LHX9: variants seen among roughly 807,000 people sequenced by gnomAD.
The protein encoded by LHX9 is LIM/homeobox protein Lhx9.
In LHX9, 9 loss-of-function variants were observed where a neutral mutation model predicts 36.5. The observed-to-expected ratio is 0.25, with a 90% CI of 0.15 to 0.43. LHX9 has a LOEUF of 0.43. Among genes scored for constraint, LHX9 ranks in the 20% least tolerant of loss-of-function variants. The pLI is 1.00. For missense variants in LHX9, 464 were observed against 526.4 expected (o/e 0.88, Z 1.16); for synonymous variants, 211 against 212.1 (o/e 0.99, Z 0.04).
chr1:197,928,366 T>C (rs10801633), intron 4 of LHX9, among the ~76,000 whole-genome samples: 55,135 of 152,198 alleles, frequency 0.36, 12,729 homozygotes, highest in Non-Finnish European at 0.52. Flanking sequence ...AAACTCATCA[T>C]GGCAAGAACA....
At position 197,933,326 on chromosome 1, in the gene LHX9, A is replaced by G. The variant is rs956258680; in HGVS notation, c.*4067A>G. ...TCTTAAATGCTTTCACTTCCTGAAT[A>G]ATAAAAAGAAAAAATTTTAAAGAAG... On this transcript the variant is annotated 3_prime_UTR_variant, in exon 5 of 5. Transcript: ENST00000367387. 3.0e-4 allele frequency: 46 copies of G among 152,178 alleles called. No homozygotes were observed. The highest frequency in any genetic ancestry group is 1.1e-3 in the African/African-American group (45 of 41,458). The allele number at this position is 152,178 out of a possible 1,614,324, so 9.4% of individuals were successfully genotyped here.
chr1:197,929,610 T>G lies in LHX9; in HGVS notation c.*351T>G. ...GAAGAAAAAAGAAAAAAGAGTGGTATTATTATGGGCAAATAATCATATTCC... is the reference window on the plus strand; with the variant it reads ...GAAGAAAAAAGAAAAAAGAGTGGTAGTATTATGGGCAAATAATCATATTCC... On this transcript the variant is annotated 3_prime_UTR_variant, in exon 5 of 5. Transcript: ENST00000367387. The G allele has an allele frequency of 1.1e-6, 1 of 921,818 alleles. No homozygotes were observed. Among genetic ancestry groups the G allele is most frequent in the Non-Finnish European group, 1.3e-6 (1 of 771,856 alleles). 57.1% of individuals were successfully genotyped at this position (921,818 alleles called of 1,614,324 possible).
rs550443146 is a variant in LHX9, at chr1:197,930,785, T to C, written c.*1526T>C. 2 of 152,052 alleles carry C rather than the reference T, an allele frequency of 1.3e-5. No homozygotes were observed. The highest frequency in any genetic ancestry group is 1.9e-4 in the East Asian group (1 of 5,182). The allele number at this position is 152,052 out of a possible 1,614,324, so 9.4% of individuals were successfully genotyped here. A position where few individuals can be genotyped will look rare whatever the true frequency, so the allele number is the denominator to read the frequency against. On this transcript the variant is annotated 3_prime_UTR_variant, in exon 5 of 5. Coordinates refer to ENST00000367387, the MANE Select transcript of LHX9 (RefSeq NM_020204.3). ...AAGTAGCTTATTTTTTAAAAAAAGATGATGGAAGATAAGTTAACACTGTAA... is the reference window on the plus strand; with the variant it reads ...AAGTAGCTTATTTTTTAAAAAAAGACGATGGAAGATAAGTTAACACTGTAA...
upstream of LHX9, among the ~76,000 whole-genome samples, chr1:197,913,599 C>A (rs1361576388): frequency 1.3e-5 from 2 of 152,188 alleles, no homozygotes; most frequent in Non-Finnish European, 2.9e-5. Flanking sequence ...CCATCCAGCG[C>A]AGCCCGGGCA....
At position 197,927,616 on chromosome 1, in the gene LHX9, C is replaced by G. The variant is rs1379337835; in HGVS notation, c.759C>G (p.His253Gln). The G allele has an allele frequency of 6.2e-7, 1 of 1,614,060 alleles. No individual in the cohort carries two copies. The highest frequency in any genetic ancestry group is 1.3e-5 in the African/African-American group (1 of 74,908). ...GTTGTAATGAGAATGAGGCAGACCA[C>G]TTGGACCGGGACCAGCAGCCTTATC... ...NSGCNENEAD[H>Q]LDRDQQPYPP... is the part of the protein sequence containing the mutation. Residue 253 changes from histidine (H) to glutamine (Q), a missense_variant, in exon 4 of 5, where the codon CAC becomes CAG. This residue lies in a region of LHX9 where 130 missense variants were observed against 109.6 expected (regional missense o/e 1.19). Transcript: ENST00000367387.
upstream of LHX9, among the ~76,000 whole-genome samples, chr1:197,917,053 C>G (rs1365583253): frequency 6.6e-6 from 1 of 151,998 alleles, no homozygotes; most frequent in Non-Finnish European, 1.5e-5. Context: ...AGCTCCTTTT[C>G]CCCTTTAAAA....
Position 197,921,036 on chromosome 1 carries a change from AT to A in LHX9, c.378-260del, listed in dbSNP as rs1001041689. On this transcript the variant is annotated intron_variant, in intron 2 of 4. Transcript: ENST00000367387. This position sits in a 1 kb window ranked among gnomAD's most constrained non-coding sequence, Gnocchi z 4.6. ...GCTAACTAGTGGTTTGCTTTTTTAA[AT>A]TTTTTTTAATGTTTTAAATTTTCAC... 4.6e-3 allele frequency among the ~76,000 whole-genome samples: 698 copies of A among 152,146 alleles called. 7 individuals carry two copies. Among genetic ancestry groups the A allele is most frequent in the African/African-American group, 0.016 (672 of 41,484 alleles).
chr1:197,918,605 A>T, intron 1 of LHX9: 1 of 564,704 alleles, frequency 1.8e-6, no homozygotes, highest in Non-Finnish European at 3.2e-6. Context: ...GGCGGGTGTC[A>T]TGTGTAGGGG....
At chr1:197,913,429 G>T (rs1161634350), upstream of LHX9, among the ~76,000 whole-genome samples, 1 of 152,170 alleles carries the variant, frequency 6.6e-6, no homozygotes, top group African/African-American at 2.4e-5. Context: ...TTTGTCTTGA[G>T]GGAGGATCCC....
Position 197,917,618 on chromosome 1 carries a change from G to T in LHX9, c.-206G>T, listed in dbSNP as rs1659809032. On this transcript the variant is annotated 5_prime_UTR_variant, in exon 1 of 5. Coordinates refer to ENST00000367387, the MANE Select transcript of LHX9 (RefSeq NM_020204.3). ...TTCTGCACATCTCCTTCAGGGAGCC[G>T]CTGAGGCTTCCCCCCAACTCTTCCC... The T allele has an allele frequency of 3.3e-6, 5 of 1,508,858 alleles. No homozygotes were observed. Among genetic ancestry groups the T allele is most frequent in the East Asian group, 2.5e-5 (1 of 39,554 alleles). The allele number at this position is 1,508,858 out of a possible 1,614,324, so 93.5% of individuals were successfully genotyped here.
intron 1 of LHX9, among the ~76,000 whole-genome samples, chr1:197,919,229 G>A (rs143951134): frequency 6.6e-6 from 1 of 152,340 alleles, no homozygotes; most frequent in African/African-American, 2.4e-5. Context: ...CGGGTCAGTG[G>A]GACCCAGAGG....
intron 3 of LHX9, among the ~76,000 whole-genome samples, chr1:197,924,060 G>A (rs932161016): frequency 1.3e-5 from 2 of 152,190 alleles, no homozygotes; most frequent in African/African-American, 2.4e-5. Context: ...TTGGTTTGAA[G>A]ATGCCTGACC....
Position 197,929,029 on chromosome 1 carries a change from T to A in LHX9, c.964T>A (p.Phe322Ile). 6.2e-7 allele frequency: 1 copy of A among 1,611,288 alleles called. No homozygotes were observed. Among genetic ancestry groups the A allele is most frequent in the Non-Finnish European group, 8.5e-7 (1 of 1,178,992 alleles). Residue 322 changes from phenylalanine (F) to isoleucine (I), a missense_variant, in exon 5 of 5, where the codon TTC (phenylalanine) becomes ATC (isoleucine). By Grantham distance (21) the Phe-to-Ile change is conservative. Coordinates refer to ENST00000367387, the MANE Select transcript of LHX9 (RefSeq NM_020204.3). ...TTGGTTCCAAAACGCACGAGCCAAA[T>A]TCAGAAGGAACCTTTTGCGGCAGGA... ...QVWFQNARAK[F>I]RRNLLRQENG...
chr1:197,932,360 T>C lies in LHX9; in HGVS notation c.*3101T>C, dbSNP rs1209130232. The C allele has an allele frequency of 6.2e-6, 1 of 161,944 alleles. No homozygotes were observed. The highest frequency in any genetic ancestry group is 2.4e-5 in the African/African-American group (1 of 41,864). 10.0% of individuals were successfully genotyped at this position (161,944 alleles called of 1,614,324 possible). A position where few individuals can be genotyped will look rare whatever the true frequency, so the allele number is the denominator to read the frequency against. ...TGCTAATGTGTATTAGTCCTGTTAA[T>C]GGCATTTTCCAACTGTAAATTCAAA... On this transcript the variant is annotated 3_prime_UTR_variant, in exon 5 of 5. Coordinates refer to ENST00000367387, the MANE Select transcript of LHX9 (RefSeq NM_020204.3).
chr1:197,931,831 G>C lies in LHX9; in HGVS notation c.*2572G>C, dbSNP rs1660334608. 1 of 871,066 alleles carries C rather than the reference G, an allele frequency of 1.1e-6. No individual in the cohort carries two copies. The highest frequency in any genetic ancestry group is 1.7e-5 in the African/African-American group (1 of 59,490). 54.0% of individuals were successfully genotyped at this position (871,066 alleles called of 1,614,324 possible). ...CATGTTAGGTCTATTGAGCACAAAT[G>C]GATATTTGTAAATCTAAATAGAAAT... On this transcript the variant is annotated 3_prime_UTR_variant, in exon 5 of 5. Transcript: ENST00000367387.
rs1368437965 is a variant in LHX9, at chr1:197,930,744, A to C, written c.*1485A>C. 1 of 152,010 alleles carries C rather than the reference A, an allele frequency of 6.6e-6. No individual in the cohort carries two copies. The allele number at this position is 152,010 out of a possible 1,614,324, so 9.4% of individuals were successfully genotyped here. On this transcript the variant is annotated 3_prime_UTR_variant, in exon 5 of 5. Transcript: ENST00000367387. Reference sequence around the variant, plus strand: ...ATTGTAACTTTTGCTCAGGGTCTTTAGAAAATTAGCACAGAAAGTAGCTTA... The same window carrying C: ...ATTGTAACTTTTGCTCAGGGTCTTTCGAAAATTAGCACAGAAAGTAGCTTA...
chr1:197,929,971 A>T lies in LHX9; in HGVS notation c.*712A>T. 1.0e-6 allele frequency: 1 copy of T among 984,816 alleles called. No individual in the cohort carries two copies. Among genetic ancestry groups the T allele is most frequent in the Non-Finnish European group, 1.2e-6 (1 of 829,274 alleles). 61.0% of individuals were successfully genotyped at this position (984,816 alleles called of 1,614,324 possible). On this transcript the variant is annotated 3_prime_UTR_variant, in exon 5 of 5. Coordinates refer to ENST00000367387, the MANE Select transcript of LHX9 (RefSeq NM_020204.3). ...TTTTTCAACATTTGAAAAATACTTA[A>T]GCTCCCTATGTATCCATGAAAATTC...
chr1:197,930,751 T>C lies in LHX9; in HGVS notation c.*1492T>C, dbSNP rs541473258. 4 of 151,910 alleles carry C rather than the reference T, an allele frequency of 2.6e-5. No homozygotes were observed. Among genetic ancestry groups the C allele is most frequent in the Non-Finnish European group, 4.4e-5 (3 of 67,844 alleles). 9.4% of individuals were successfully genotyped at this position (151,910 alleles called of 1,614,324 possible). Reference sequence around the variant, plus strand: ...CTTTTGCTCAGGGTCTTTAGAAAATTAGCACAGAAAGTAGCTTATTTTTTA... The same window carrying C: ...CTTTTGCTCAGGGTCTTTAGAAAATCAGCACAGAAAGTAGCTTATTTTTTA... On this transcript the variant is annotated 3_prime_UTR_variant, in exon 5 of 5. Transcript: ENST00000367387.
chr1:197,920,214 C>T (rs1437657875), intron 2 of LHX9, 40 bp downstream of exon 2: 2 of 1,585,452 alleles, frequency 1.3e-6, no homozygotes, highest in Admixed American at 3.3e-5. Flanking sequence ...CCGAGTACAC[C>T]TGGAGGGGCC....
Sources: allele counts gnomAD v4.1 joint callset (sites outside exome capture counted in the v4.1 genomes callset), GRCh38; gene constraint gnomAD v4.1.1; regional missense constraint gnomAD v4.1.1; non-coding constraint Gnocchi (gnomAD v3.1); transcripts MANE v1.5; gene names NCBI Gene and HGNC (gene_info 2026-07-23, HGNC 2026-07-21).